Variants in TRAF2 observed in about 807,000 individuals in gnomAD.
TRAF2 encodes the protein TNF receptor-associated factor 2.
In TRAF2, 6 loss-of-function variants were observed where a neutral mutation model predicts 55.6. That is an observed-to-expected ratio of 0.11 (90% CI 0.06 to 0.21). The LOEUF is 0.21. TRAF2 is among the 10% of genes least tolerant of loss of function. The pLI is 1.00. For synonymous variants in TRAF2, 329 were observed against 276.3 expected, an observed-to-expected ratio of 1.19 and a Z score of -1.89; for missense variants, 561 against 684.5, an observed-to-expected ratio of 0.82 and a Z score of 2.01.
chr9:136,910,650 T>C (rs1850081207), intron 6 of TRAF2, among the ~76,000 whole-genome samples: 1 of 152,174 alleles, frequency 6.6e-6, no homozygotes, highest in Non-Finnish European at 1.5e-5. Context: ...AGAGGTCCAA[T>C]GTGGAGGCCT....
At chr9:136,909,891 C>T (rs1230648036) in intron 5 of TRAF2, 29 bp from the exon 6 acceptor site, 1 of 1,613,388 alleles carries the variant, frequency 6.2e-7, no homozygotes, top group African/African-American at 1.3e-5. Context: ...TGGCGTCCAC[C>T]CTCACACTCC....
At chr9:136,895,250 T>C (rs1849656177) in intron 1 of TRAF2, among the ~76,000 whole-genome samples, 1 of 152,188 alleles carries the variant, frequency 6.6e-6, no homozygotes, top group African/African-American at 2.4e-5. Context: ...GGTGCTTCGT[T>C]TTCCTCACTC....
At chr9:136,887,874 A>G (rs1418895310) in intron 1 of TRAF2, among the ~76,000 whole-genome samples, 1 of 151,948 alleles carries the variant, frequency 6.6e-6, no homozygotes, top group Non-Finnish European at 1.5e-5. Context: ...TTGTAATTTT[A>G]TTTATTTATT....
chr9:136,916,747 C>A, intron 7 of TRAF2, 132 bp downstream of exon 7: 1 of 862,722 alleles, frequency 1.2e-6, no homozygotes, highest in Admixed American at 1.9e-5. Context: ...TCCTCCTGCC[C>A]CGGCTGTCCG....
At chr9:136,901,661 A>G (rs1221402950) in intron 4 of TRAF2, among the ~76,000 whole-genome samples, 1 of 152,162 alleles carries the variant, frequency 6.6e-6, no homozygotes, top group African/African-American at 2.4e-5. Context: ...ATGCCATCCA[A>G]TCCAGCCCCA....
chr9:136,907,131 C>T (rs759629853), intron 4 of TRAF2, among the ~76,000 whole-genome samples: 4 of 152,178 alleles, frequency 2.6e-5, no homozygotes, highest in Admixed American at 6.5e-5. Flanking sequence ...GAGCTGGCAC[C>T]GCCTCCCTTC....
chr9:136,906,945 C>T (rs1385620944), intron 4 of TRAF2, among the ~76,000 whole-genome samples: 1 of 152,360 alleles, frequency 6.6e-6, no homozygotes, highest in South Asian at 2.1e-4. Flanking sequence ...GTGCAGCTGC[C>T]AGGCAGTCCT....
At chr9:136,909,771 C>A in intron 5 of TRAF2, 149 bp from the exon 6 acceptor site, 1 of 741,772 alleles carries the variant, frequency 1.3e-6, no homozygotes, top group Non-Finnish European at 2.3e-6. Flanking sequence ...CAGGATCCTG[C>A]CCGGGAGGAG....
chr9:136,911,942 T>C (rs920837944), intron 6 of TRAF2, among the ~76,000 whole-genome samples: 5 of 137,414 alleles, frequency 3.6e-5, no homozygotes, highest in Non-Finnish European at 6.1e-5. Flanking sequence ...CTCCGCCTCC[T>C]GGGTTCACGC....
intron 1 of TRAF2, among the ~76,000 whole-genome samples, chr9:136,886,959 C>A (rs1377626833): frequency 6.6e-6 from 1 of 152,176 alleles, no homozygotes; most frequent in Admixed American, 6.5e-5. Flanking sequence ...TCCCCGAAGC[C>A]CCGCACCCTC....
At chr9:136,892,660 A>G (rs910554633) in intron 1 of TRAF2, among the ~76,000 whole-genome samples, 2 of 152,074 alleles carry the variant, frequency 1.3e-5, no homozygotes, top group Non-Finnish European at 2.9e-5. Flanking sequence ...TGGGCAGATT[A>G]TCTGAGGTCA....
Position 136,910,012 on chromosome 9 carries a change from C to T in TRAF2, c.603+18C>T, listed in dbSNP as rs1234344202. On this transcript the variant is annotated intron_variant, in intron 6 of 10. Transcript: ENST00000247668. ...GGGAGAAGGTGAGTGTCCTTCACCTCCTTGGAGGACCGCAGGGCGGGGCCC... is the reference window on the plus strand; with the variant it reads ...GGGAGAAGGTGAGTGTCCTTCACCTTCTTGGAGGACCGCAGGGCGGGGCCC... The T allele has an allele frequency of 1.2e-6, 2 of 1,611,090 alleles. No homozygotes were observed. The highest frequency in any genetic ancestry group is 1.7e-6 in the Non-Finnish European group (2 of 1,178,388).
chr9:136,922,377 T>C (rs1464152011), intron 9 of TRAF2: 2 of 152,360 alleles, frequency 1.3e-5, no homozygotes, highest in Non-Finnish European at 2.9e-5. Flanking sequence ...ACCTTCCCTC[T>C]GCAGCTGCTG....
At chr9:136,897,896 G>A (rs368529404) in intron 1 of TRAF2, among the ~76,000 whole-genome samples, 1 of 141,322 alleles carries the variant, frequency 7.1e-6, no homozygotes, top group Non-Finnish European at 1.5e-5. Flanking sequence ...GGCTGGAGGG[G>A]AACCCGTGGT....
rs1005244928 is a variant in TRAF2, at chr9:136,926,080, C to T, written c.*179C>T. On this transcript the variant is annotated 3_prime_UTR_variant, in exon 11 of 11. Coordinates refer to ENST00000247668, the MANE Select transcript of TRAF2 (RefSeq NM_021138.4). ...ACGGGGGAAGGAGCCACCAGCCAGT[C>T]CTCAGATTTCAGAGACTGCGGAGGG... 2.4e-6 allele frequency: 2 copies of T among 823,606 alleles called. No homozygotes were observed. The highest frequency in any genetic ancestry group is 4.2e-6 in the Non-Finnish European group (2 of 477,788). The allele number at this position is 823,606 out of a possible 1,614,324, so 51.0% of individuals were successfully genotyped here. A position where few individuals can be genotyped will look rare whatever the true frequency, so the allele number is the denominator to read the frequency against.
In TRAF2 at chr9:136,909,950, T is replaced by G. The variant is rs754887702; in HGVS notation, c.559T>G (p.Leu187Val). 6 of 1,614,056 alleles carry G rather than the reference T, an allele frequency of 3.7e-6. No individual in the cohort carries two copies. The highest frequency in any genetic ancestry group is 2.2e-5 in the East Asian group (1 of 44,896). Reference sequence around the variant, plus strand: ...CCACGAGGTCTGCCCCAAGTTCCCCTTAACTTGTGACGGCTGCGGCAAGAA... The same window carrying G: ...CCACGAGGTCTGCCCCAAGTTCCCCGTAACTTGTGACGGCTGCGGCAAGAA... Reference protein sequence around the residue: ...AHHEVCPKFPLTCDGCGKKKI... With the variant: ...AHHEVCPKFPVTCDGCGKKKI... The change falls in exon 6 of 11, where the codon TTA becomes GTA. Residue 187 changes from leucine to valine, a missense_variant. Physicochemically the swap from Leu to Val is conservative, Grantham distance 32. This residue lies in a region of TRAF2 where 426 missense variants were observed against 476.8 expected (regional missense o/e 0.89). Coordinates refer to ENST00000247668, the MANE Select transcript of TRAF2 (RefSeq NM_021138.4).
At chr9:136,886,765 A>G (rs1032944585) in intron 1 of TRAF2, 4 of 238,716 alleles carry the variant, frequency 1.7e-5, no homozygotes, top group African/African-American at 2.3e-5. Flanking sequence ...GGCGCGGGAA[A>G]GTTCGGGAAC....
chr9:136,886,354 T>A (rs1849446672), upstream of TRAF2: 2 of 975,020 alleles, frequency 2.1e-6, no homozygotes, highest in Non-Finnish European at 2.4e-6. Flanking sequence ...GGCTCCGGCG[T>A]CAGTCCGTCA....
chr9:136,900,412 C>T lies in TRAF2; in HGVS notation c.268-10C>T. The T allele has an allele frequency of 2.5e-6, 4 of 1,575,558 alleles. No homozygotes were observed. The highest frequency in any genetic ancestry group is 3.5e-6 in the Non-Finnish European group (4 of 1,158,704). On this transcript the variant is annotated splice_polypyrimidine_tract_variant and intron_variant, in intron 3 of 10. Transcript: ENST00000247668. ...AGGAGGTTTAACCCGAGGGATATTC[C>T]TCTCCCCAGGCCTTCCCAGATAATG... is the stretch of plus-strand genomic sequence containing the variant.
Sources: gnomAD v4.1 joint callset for allele counts (sites outside exome capture counted in the v4.1 genomes callset) on GRCh38, gnomAD v4.1.1 for gene constraint, gnomAD v4.1.1 regional missense constraint, MANE v1.5 for transcripts, NCBI Gene and HGNC (gene_info 2026-07-23, HGNC 2026-07-21) for gene names.